Variants in PTP4A1 observed in about 807,000 individuals in gnomAD.
PTP4A1 encodes protein tyrosine phosphatase type IVA 1.
In PTP4A1, 9 loss-of-function variants were observed where a neutral mutation model predicts 20.5. The observed-to-expected ratio is 0.44, with a 90% CI of 0.26 to 0.77. The LOEUF (loss-of-function observed/expected upper bound fraction) is 0.77. Ranked by LOEUF, PTP4A1 falls within the 30% of genes least tolerant of loss-of-function variation. PTP4A1 has a pLI of 0.19. For missense variants in PTP4A1, 137 were observed against 218.8 expected (o/e 0.63, Z 2.36); for synonymous variants, 78 against 67.4 (o/e 1.16, Z -0.77).
chr6:63,535,902 A>G (rs893664825), intron 2 of PTP4A1, among the ~76,000 whole-genome samples: 4 of 152,168 alleles, frequency 2.6e-5, no homozygotes, highest in African/African-American at 7.2e-5. Context: ...CCTCCCGAGT[A>G]TCTGGGTTTA....
At chr6:63,558,868 G>C (rs1776806243) in intron 3 of PTP4A1, among the ~76,000 whole-genome samples, 1 of 152,214 alleles carries the variant, frequency 6.6e-6, no homozygotes, top group Non-Finnish European at 1.5e-5. Context: ...TAAAGATATG[G>C]AATGAGTTGC....
In PTP4A1 at chr6:63,581,561, A is replaced by G. The variant is rs1778226914; in HGVS notation, c.*1387A>G. The G allele has an allele frequency of 6.6e-6, 1 of 152,234 alleles. No individual in the cohort carries two copies. The highest frequency in any genetic ancestry group is 6.5e-5 in the Admixed American group (1 of 15,274). 9.4% of individuals were successfully genotyped at this position (152,234 alleles called of 1,614,324 possible). ...TTTTTACAAATAAATGAAGGATTAT[A>G]AATGATGTCAGCATTTTAGTAAACT... On this transcript the variant is annotated 3_prime_UTR_variant, in exon 6 of 6. Coordinates refer to ENST00000626021, the MANE Select transcript of PTP4A1 (RefSeq NM_003463.5).
intron 3 of PTP4A1, among the ~76,000 whole-genome samples, chr6:63,563,072 T>A (rs1483234275): frequency 6.6e-6 from 1 of 152,248 alleles, no homozygotes. Context: ...TCCACTGTCC[T>A]GATCATAGTC....
At chr6:63,540,790 A>ACCC (rs1344541113) in intron 2 of PTP4A1, among the ~76,000 whole-genome samples, 2 of 150,740 alleles carry the variant, frequency 1.3e-5, no homozygotes, top group Non-Finnish European at 3.0e-5. Flanking sequence ...AGCAAATAGG[A>ACCC]CCCCGTCTCT....
intron 3 of PTP4A1, among the ~76,000 whole-genome samples, chr6:63,560,371 G>A (rs1225813934): frequency 5.6e-5 from 8 of 142,052 alleles, no homozygotes; most frequent in African/African-American, 7.8e-5. Flanking sequence ...AGAAAGAAAA[G>A]AAGTGAAAAG....
At chr6:63,573,546 G>A (rs963228745) in intron 1 of PTP4A1, 1 of 152,242 alleles carries the variant, frequency 6.6e-6, no homozygotes, top group Non-Finnish European at 1.5e-5. Flanking sequence ...CCGCGTGCGC[G>A]GGGCGGCGGC....
rs1776314877 is a variant in PTP4A1, at chr6:63,548,912, G to A, written c.-639-1388G>A. 1.0e-5 allele frequency: 9 copies of A among 887,536 alleles called. No individual in the cohort carries two copies. The South Asian group carries it at 1.2e-4, about 12-fold the overall frequency. 55.0% of individuals were successfully genotyped at this position (887,536 alleles called of 1,614,324 possible). On this transcript the variant is annotated intron_variant, in intron 2 of 3. Coordinates refer to the PTP4A1 transcript ENST00000639568. ...TAACCTGTATGAAGGCGACAGTGGTGCAGGTCTTCCTGTGGACTAGACGTC... is the reference window on the plus strand; with the variant it reads ...TAACCTGTATGAAGGCGACAGTGGTACAGGTCTTCCTGTGGACTAGACGTC...
At chr6:63,579,188 G>A (rs1244247793) in intron 4 of PTP4A1, 69 bp from the exon 5 acceptor site, 4 of 1,499,430 alleles carry the variant, frequency 2.7e-6, no homozygotes, top group East Asian at 2.3e-5. Flanking sequence ...GTTGGGGAAT[G>A]TTTGGAGAAA....
chr6:63,524,771 T>C (rs1775087606), intron 1 of PTP4A1, among the ~76,000 whole-genome samples: 1 of 152,164 alleles, frequency 6.6e-6, no homozygotes, highest in Non-Finnish European at 1.5e-5. Context: ...CATGAAATTG[T>C]ATATATTATC....
chr6:63,518,154 CAAAAAAAA>C (rs60368385), upstream of PTP4A1, among the ~76,000 whole-genome samples: 2 of 62,112 alleles, frequency 3.2e-5, no homozygotes, highest in African/African-American at 9.8e-5. Context: ...ACTCCGTCTC[CAAAAAAAA>C]AAAAAAAAAA....
intron 2 of PTP4A1, among the ~76,000 whole-genome samples, chr6:63,539,851 T>G (rs1477595357): frequency 6.6e-6 from 1 of 152,178 alleles, no homozygotes; most frequent in African/African-American, 2.4e-5. Flanking sequence ...GAAGATATGT[T>G]TAAACTTAAT....
intron 2 of PTP4A1, among the ~76,000 whole-genome samples, chr6:63,544,551 A>T (rs191989631): frequency 2.5e-4 from 38 of 152,292 alleles, no homozygotes; most frequent in African/African-American, 8.9e-4. Flanking sequence ...CATCCTTTAT[A>T]GTAAAATAAA....
chr6:63,579,062 A>ATCAATTTGATTCATT (rs749988031), intron 4 of PTP4A1, 34 bp downstream of exon 4: 21 of 1,535,934 alleles, frequency 1.4e-5, no homozygotes, highest in Middle Eastern at 1.8e-4. Flanking sequence ...TCTAGGTAAA[A>ATCAATTTGATTCATT]ATCTATTGAT....
At chr6:63,546,316 T>A (rs1776177504) in intron 2 of PTP4A1, among the ~76,000 whole-genome samples, 1 of 152,194 alleles carries the variant, frequency 6.6e-6, no homozygotes, top group African/African-American at 2.4e-5. Context: ...ATCTCACATG[T>A]GAAATCTAAC....
chr6:63,575,515 A>G (rs1186234014), intron 1 of PTP4A1, among the ~76,000 whole-genome samples: 1 of 152,200 alleles, frequency 6.6e-6, no homozygotes, highest in Non-Finnish European at 1.5e-5. Flanking sequence ...ATATAAATAC[A>G]TTCATATTTG....
At chr6:63,565,926 A>T (rs1265960095) in intron 3 of PTP4A1, among the ~76,000 whole-genome samples, 1 of 152,250 alleles carries the variant, frequency 6.6e-6, no homozygotes, top group Non-Finnish European at 1.5e-5. Context: ...TTATATGTTC[A>T]TAGAGATTTA....
intron 1 of PTP4A1, among the ~76,000 whole-genome samples, chr6:63,523,705 C>T (rs2149472684): frequency 6.6e-6 from 1 of 152,222 alleles, no homozygotes; most frequent in East Asian, 1.9e-4. Context: ...TTCATAAACT[C>T]TTTTAAAATT....
At chr6:63,519,502 A>T (rs1395705486), upstream of PTP4A1, among the ~76,000 whole-genome samples, 1 of 152,170 alleles carries the variant, frequency 6.6e-6, no homozygotes, top group Non-Finnish European at 1.5e-5. Flanking sequence ...AATACTAATG[A>T]TAAACTGACT....
Position 63,578,891 on chromosome 6 carries a change from G to T in PTP4A1, c.199-7G>T, listed in dbSNP as rs778500555. 4 of 1,534,888 alleles carry T rather than the reference G, an allele frequency of 2.6e-6. No individual in the cohort carries two copies. The South Asian group carries it at 3.7e-5, about 14-fold the overall frequency. On this transcript the variant is annotated splice_polypyrimidine_tract_variant and splice_region_variant and intron_variant, in intron 3 of 5. Coordinates refer to ENST00000626021, the MANE Select transcript of PTP4A1 (RefSeq NM_003463.5). The stretch of plus-strand genomic sequence containing the variant: ...ATCTAAAATGTTTAAATATTCTTCT[G>T]ACTTAGGATTGGCCTTTTGATGATG...
Sources: gnomAD v4.1 joint callset for allele counts (sites outside exome capture counted in the v4.1 genomes callset) on GRCh38, gnomAD v4.1.1 for gene constraint, MANE v1.5 for transcripts, NCBI Gene and HGNC (gene_info 2026-07-23, HGNC 2026-07-21) for gene names.